Variants in MGAM2 observed in about 807,000 individuals in gnomAD.
MGAM2 encodes the protein probable maltase-glucoamylase 2.
In MGAM2, 98 loss-of-function variants were observed where a neutral mutation model predicts 96.1. That is an observed-to-expected ratio of 1.02 (90% CI 0.87 to 1.21). MGAM2 has a LOEUF of 1.21. Among genes scored for constraint, MGAM2 ranks in the 50% most tolerant of loss-of-function variants. The probability of loss-of-function intolerance (pLI) is 0.00; values close to 1 mark genes in which losing one functional copy is unlikely to be tolerated. For synonymous variants in MGAM2, 749 were observed against 414.8 expected (o/e 1.81, Z -9.79); for missense variants, 2,055 against 1,182.4 (o/e 1.74, Z -10.82).
chr7:142,210,859 C>T (rs1259730091), intron 46 of MGAM2, among the ~76,000 whole-genome samples: 1 of 152,226 alleles, frequency 6.6e-6, no homozygotes, highest in Non-Finnish European at 1.5e-5. Flanking sequence ...ACTGCCTCCT[C>T]AAGTGGGTCC....
At chr7:142,197,835 G>T (rs1034454245) in intron 42 of MGAM2, 107 bp downstream of exon 42, 2 of 673,558 alleles carry the variant, frequency 3.0e-6, no homozygotes, top group Non-Finnish European at 5.4e-6. Context: ...ATTTTCAGGC[G>T]AATGCCTTTC....
chr7:142,134,942 C>G (rs1795012408), intron 7 of MGAM2, among the ~76,000 whole-genome samples: 1 of 152,108 alleles, frequency 6.6e-6, no homozygotes, highest in Non-Finnish European at 1.5e-5. Context: ...AAAAGAATTT[C>G]TAAACTTTGA....
At position 142,137,671 on chromosome 7, in the gene MGAM2, C is replaced by G. The variant is rs141800340; in HGVS notation, c.960+126C>G. 2.0e-5 allele frequency: 9 copies of G among 453,410 alleles called. No homozygotes were observed. In the East Asian group the frequency reaches 3.1e-4, roughly 16 times the overall value. 28.1% of individuals were successfully genotyped at this position (453,410 alleles called of 1,614,324 possible). ...GATTATAAATGCTGGGATAGTGAGT[C>G]TTTCATCTATTGTTTATTTATTTTG... On this transcript the variant is annotated intron_variant, in intron 9 of 47. Transcript: ENST00000477922.
At chr7:142,132,758 A>G (rs925692915) in intron 6 of MGAM2, among the ~76,000 whole-genome samples, 1 of 125,582 alleles carries the variant, frequency 8.0e-6, no homozygotes, top group African/African-American at 3.2e-5. Context: ...ATAATATATA[A>G]TATATAATTA....
rs542695975 is a variant in MGAM2, at chr7:142,217,800, A to G, written c.5188-561A>G. ...TGTTTCCAACACGAAGAAATGATGA[A>G]TGTGGCTAGGTGTGGTGGCTCACAC... On this transcript the variant is annotated intron_variant, in intron 46 of 47. Transcript: ENST00000477922. Among the ~76,000 whole-genome samples the G allele has an allele frequency of 2.0e-5, 3 of 152,316 alleles. No homozygotes were observed. The South Asian group carries it at 6.2e-4, about 32-fold the overall frequency.
chr7:142,165,646 G>A (rs1796008399), intron 24 of MGAM2, among the ~76,000 whole-genome samples: 1 of 152,144 alleles, frequency 6.6e-6, no homozygotes, highest in African/African-American at 2.4e-5. Context: ...AGGTGTCTCT[G>A]TATCTTAGTT....
chr7:142,186,829 G>A (rs767353091), intron 35 of MGAM2, among the ~76,000 whole-genome samples: 2 of 152,146 alleles, frequency 1.3e-5, no homozygotes, highest in Non-Finnish European at 2.9e-5. Flanking sequence ...CTGACCACCC[G>A]CACCTTTGAG....
At position 142,196,563 on chromosome 7, in the gene MGAM2, A is replaced by G. The variant is rs1424368273; in HGVS notation, c.4481-2A>G. 8.3e-6 allele frequency: 6 copies of G among 718,986 alleles called. No homozygotes were observed. In the Admixed American group the frequency reaches 1.2e-4, roughly 14 times the overall value. The allele number at this position is 718,986 out of a possible 1,614,324, so 44.5% of individuals were successfully genotyped here. On this transcript the variant is annotated splice_acceptor_variant, in intron 38 of 47. Coordinates refer to ENST00000477922, the MANE Select transcript of MGAM2 (RefSeq NM_001293626.2). LOFTEE classifies it high-confidence loss of function. Reference sequence around the variant, plus strand: ...CAACACAGCTGTGTCTTCTCTTTGCAGGCATGATGGAGTTCAGTCTCTTTG... The same window carrying G: ...CAACACAGCTGTGTCTTCTCTTTGCGGGCATGATGGAGTTCAGTCTCTTTG...
Position 142,148,464 on chromosome 7 carries a change from C to T in MGAM2, c.1634+891C>T, listed in dbSNP as rs1197837277. Among the ~76,000 whole-genome samples, 1 of 152,204 alleles carries T rather than the reference C, an allele frequency of 6.6e-6. No individual in the cohort carries two copies. Among genetic ancestry groups the T allele is most frequent in the African/African-American group, 2.4e-5 (1 of 41,442 alleles). On this transcript the variant is annotated intron_variant, in intron 15 of 47. Coordinates refer to ENST00000477922, the MANE Select transcript of MGAM2 (RefSeq NM_001293626.2). This position sits in a 1 kb window ranked among gnomAD's most constrained non-coding sequence, Gnocchi z 4.2. ...ATCACCTTTACTGCTGTTGCCACCA[C>T]CACCCATTATGAAAGTCTACCAAGG...
intron 6 of MGAM2, among the ~76,000 whole-genome samples, chr7:142,132,536 A>G (rs1794922018): frequency 1.5e-5 from 2 of 134,902 alleles, no homozygotes. Context: ...TAAAATATAT[A>G]AAATATATAA....
rs779471171 is a variant in MGAM2, at chr7:142,196,831, C to G, written c.4632+15C>G. The G allele has an allele frequency of 2.6e-6, 2 of 770,668 alleles. No homozygotes were observed. Among genetic ancestry groups the G allele is most frequent in the Admixed American group, 3.5e-5 (2 of 57,632 alleles). The allele number at this position is 770,668 out of a possible 1,614,324, so 47.7% of individuals were successfully genotyped here. A position where few individuals can be genotyped will look rare whatever the true frequency, so the allele number is the denominator to read the frequency against. ...TCGGGACAAGGGTGAGGCAGTAGTT[C>G]GTGCTCCAGGTGTTGTGTACCCTCA... On this transcript the variant is annotated intron_variant, in intron 40 of 47. Transcript: ENST00000477922.
At chr7:142,119,243 G>A (rs551444629) in intron 2 of MGAM2, among the ~76,000 whole-genome samples, 1 of 151,758 alleles carries the variant, frequency 6.6e-6, no homozygotes, top group African/African-American at 2.4e-5. Flanking sequence ...AAAAAAAAAG[G>A]TTTCTAAATG....
chr7:142,136,884 T>A (rs1795076323), intron 8 of MGAM2, among the ~76,000 whole-genome samples: 1 of 152,126 alleles, frequency 6.6e-6, no homozygotes, highest in Non-Finnish European at 1.5e-5. Context: ...CCTCATAGTC[T>A]GTAGAAAATA....
chr7:142,135,718 A>G (rs1239914635), intron 7 of MGAM2, among the ~76,000 whole-genome samples: 4 of 142,328 alleles, frequency 2.8e-5, no homozygotes, highest in Non-Finnish European at 3.0e-5. Context: ...TACAGCACTT[A>G]GAGTTACACA....
chr7:142,155,674 AG>A (rs1795713439), intron 17 of MGAM2, among the ~76,000 whole-genome samples: 1 of 152,190 alleles, frequency 6.6e-6, no homozygotes, highest in Non-Finnish European at 1.5e-5. Flanking sequence ...TGTCTTAAGC[AG>A]GTGGCTGGGA....
intron 46 of MGAM2, among the ~76,000 whole-genome samples, chr7:142,214,407 C>A (rs1336601594): frequency 6.6e-6 from 1 of 152,160 alleles, no homozygotes; most frequent in Non-Finnish European, 1.5e-5. Context: ...ATTTAGAAAA[C>A]CCCATTGTCT....
chr7:142,130,594 G>A (rs1794855877), intron 3 of MGAM2, among the ~76,000 whole-genome samples: 2 of 152,128 alleles, frequency 1.3e-5, no homozygotes, highest in South Asian at 4.1e-4. Flanking sequence ...TACTAGGCTG[G>A]GTACAGTGAC....
rs1457233339 is a variant in MGAM2, at chr7:142,220,194, G to A, written c.5683G>A (p.Ala1895Thr). 3 of 702,758 alleles carry A rather than the reference G, an allele frequency of 4.3e-6. No individual in the cohort carries two copies. In the South Asian group the frequency reaches 4.4e-5, roughly 10 times the overall value. 43.5% of individuals were successfully genotyped at this position (702,758 alleles called of 1,614,324 possible). The change falls in exon 48 of 48, where the codon GCT (alanine) becomes ACT (threonine). Residue 1895 changes from alanine to threonine, a missense_variant. Physicochemically the swap from Ala to Thr is moderately conservative, Grantham distance 58. Coordinates refer to ENST00000477922, the MANE Select transcript of MGAM2 (RefSeq NM_001293626.2). ...AAGTACTACTAATGCTAGCACTAAT[G>A]CTACTGTTCCTATCACAACCACACC... is the stretch of plus-strand genomic sequence containing the variant. Reference protein sequence around the residue: ...PTSTTNASTNATVPITTTPFP... With the variant: ...PTSTTNASTNTTVPITTTPFP...
intron 16 of MGAM2, 31 bp from the exon 17 acceptor site, chr7:142,154,698 C>A: frequency 1.4e-6 from 1 of 701,250 alleles, no homozygotes; most frequent in South Asian, 1.5e-5. Flanking sequence ...TCTCATTGAC[C>A]ACAGTGCTTG....
Sources: allele counts gnomAD v4.1 joint callset (sites outside exome capture counted in the v4.1 genomes callset), GRCh38; gene constraint gnomAD v4.1.1; non-coding constraint Gnocchi (gnomAD v3.1); transcripts MANE v1.5; gene names NCBI Gene and HGNC (gene_info 2026-07-23, HGNC 2026-07-21).